PCDHAC2: variants seen among roughly 807,000 people sequenced by gnomAD.
PCDHAC2 encodes the protein protocadherin alpha subfamily C, 2.
In PCDHAC2, 24 loss-of-function variants were observed where a neutral mutation model predicts 63.3. That is an observed-to-expected ratio of 0.38 (90% CI 0.27 to 0.53). The LOEUF (loss-of-function observed/expected upper bound fraction) is 0.53, where lower values mean the gene tolerates loss of function less well. PCDHAC2 is among the 20% of genes least tolerant of loss of function. PCDHAC2 has a pLI of 0.81. For missense variants in PCDHAC2, 1,181 were observed against 1,275.2 expected (o/e 0.93, Z 1.12); for synonymous variants, 569 against 529.4 (o/e 1.07, Z -1.03).
rs150949805 is a variant in PCDHAC2, at chr5:141,009,832, C to T, written c.2919C>T (p.Phe973=). The stretch of plus-strand genomic sequence containing the variant: ...TTGACAAAAGTGACTTCATAACCTT[C>T]GGCAAAAAGGAGGAGACCAAGAAAA... ...SQIDKSDFIT[F]GKKEETKKKK... The change falls in exon 4 of 4, where the codon TTC becomes TTT. Residue 973 remains phenylalanine (F), a synonymous_variant. Coordinates refer to ENST00000289269, the MANE Select transcript of PCDHAC2 (RefSeq NM_018899.6). The T allele has an allele frequency of 7.1e-5, 114 of 1,613,408 alleles. No individual in the cohort carries two copies. The highest frequency in any genetic ancestry group is 9.2e-5 in the Non-Finnish European group (109 of 1,179,918).
rs1554231254 is a variant in PCDHAC2, at chr5:140,968,927, T to C, written c.2161T>C (p.Leu721=). Residue 721 remains leucine (L), a synonymous_variant, in exon 1 of 4, where the codon TTG becomes CTG. Transcript: ENST00000289269. ...ALSTVSFIFL[L]TIIILSIIKC... Reference sequence around the variant, plus strand: ...AAGCACAGTGTCTTTTATATTTCTTTTGACAATCATCATTTTGAGCATCAT... The same window carrying C: ...AAGCACAGTGTCTTTTATATTTCTTCTGACAATCATCATTTTGAGCATCAT... 3 of 1,614,090 alleles carry C rather than the reference T, an allele frequency of 1.9e-6. No homozygotes were observed. Among genetic ancestry groups the C allele is most frequent in the African/African-American group, 1.3e-5 (1 of 74,940 alleles).
Position 141,010,042 on chromosome 5 carries a change from T to C in PCDHAC2, c.*105T>C. 6.3e-7 allele frequency: 1 copy of C among 1,594,374 alleles called. No homozygotes were observed. The highest frequency in any genetic ancestry group is 8.5e-7 in the Non-Finnish European group (1 of 1,171,086). ...TTTTTCCTATCTACATGAGCCCTCT[T>C]AGAGACCTCAGAAATCTGCAGAAAG... On this transcript the variant is annotated 3_prime_UTR_variant, in exon 4 of 4. Transcript: ENST00000289269.
intron 3 of PCDHAC2, among the ~76,000 whole-genome samples, chr5:140,994,367 G>C (rs2097617491): frequency 6.6e-6 from 1 of 152,110 alleles, no homozygotes; most frequent in African/African-American, 2.4e-5. Context: ...AGATGGAATT[G>C]GAAATTCAGG....
intron 1 of PCDHAC2, among the ~76,000 whole-genome samples, chr5:140,976,868 CAAAG>C (rs1397427113): frequency 6.6e-5 from 10 of 152,120 alleles, no homozygotes; most frequent in African/African-American, 1.2e-4. Flanking sequence ...TACTGTCTGA[CAAAG>C]AAAGAATTAG....
At chr5:141,004,192 C>G (rs2098157863) in intron 3 of PCDHAC2, among the ~76,000 whole-genome samples, 1 of 152,192 alleles carries the variant, frequency 6.6e-6, no homozygotes, top group African/African-American at 2.4e-5. Flanking sequence ...TGCTCTTAAC[C>G]AAAAGGAATT....
rs1231856848 is a variant in PCDHAC2 at position 141,000,389 on chromosome 5, CTCTCTCTA to C, written c.2714-9236_2714-9229del. 6.2e-3 allele frequency among the ~76,000 whole-genome samples: 389 copies of C among 62,448 alleles called. 3 individuals are homozygous for C. Among genetic ancestry groups the C allele is most frequent in the East Asian group, 0.011 (21 of 1,838 alleles). The allele number at this position is 62,448 out of a possible 152,430, so 41.0% of individuals were successfully genotyped here. A position where few individuals can be genotyped will look rare whatever the true frequency, so the allele number is the denominator to read the frequency against. ...TCTCTCTCTCTCTCTCTCTCTCTCT[CTCTCTCTA>C]TATATATATATATATATATATATAT... is the stretch of plus-strand genomic sequence containing the variant. On this transcript the variant is annotated intron_variant, in intron 3 of 3. Coordinates refer to ENST00000289269, the MANE Select transcript of PCDHAC2 (RefSeq NM_018899.6).
At chr5:141,000,415 ATATATATTTTTT>A (rs1251582263) in intron 3 of PCDHAC2, among the ~76,000 whole-genome samples, 1 of 87,388 alleles carries the variant, frequency 1.1e-5, no homozygotes, top group East Asian at 3.4e-4. Context: ...ATATATATAT[ATATATATTTTTT>A]TTTTTTTTTT....
chr5:140,971,032 G>A (rs540815935), intron 1 of PCDHAC2, among the ~76,000 whole-genome samples: 4 of 152,302 alleles, frequency 2.6e-5, no homozygotes, highest in African/African-American at 7.2e-5. Context: ...GCATTTGAAA[G>A]CACGTAAAAG....
intron 3 of PCDHAC2, among the ~76,000 whole-genome samples, chr5:140,983,623 GA>G (rs1554245569): frequency 6.6e-6 from 1 of 152,202 alleles, no homozygotes; most frequent in African/African-American, 2.4e-5. Flanking sequence ...GAGAGATTAA[GA>G]AATGTACCCA....
At chr5:140,996,933 T>G (rs2097753695) in intron 3 of PCDHAC2, among the ~76,000 whole-genome samples, 1 of 152,186 alleles carries the variant, frequency 6.6e-6, no homozygotes, top group African/African-American at 2.4e-5. Flanking sequence ...ATATAGCATT[T>G]TTGCATAGAA....
chr5:140,978,911 T>C, intron 1 of PCDHAC2, 38 bp from the exon 2 acceptor site: 1 of 1,613,856 alleles, frequency 6.2e-7, no homozygotes, highest in Non-Finnish European at 8.5e-7. Context: ...AACATTGTCT[T>C]GTCATTTTAA....
Position 140,967,758 on chromosome 5 carries a change from A to G in PCDHAC2, c.992A>G (p.Tyr331Cys), listed in dbSNP as rs781815948. The G allele has an allele frequency of 5.0e-6, 8 of 1,614,162 alleles. No individual in the cohort carries two copies. Among genetic ancestry groups the G allele is most frequent in the Non-Finnish European group, 5.9e-6 (7 of 1,180,034 alleles). The change falls in exon 1 of 4, where the codon TAC (tyrosine) becomes TGC (cysteine). Residue 331 changes from tyrosine to cysteine, a missense_variant. Around this residue, in one of 3 missense-constraint regions of PCDHAC2, gnomAD observed 968 missense variants for 1,073.5 expected, o/e 0.90. Coordinates refer to ENST00000289269, the MANE Select transcript of PCDHAC2 (RefSeq NM_018899.6). ...GGLDYEEASS[Y>C]QIYVQATDRG... ...CTGGATTATGAGGAAGCCTCCTCCT[A>G]CCAGATCTATGTGCAGGCGACTGAC...
chr5:140,967,727 G>A lies in PCDHAC2; in HGVS notation c.961G>A (p.Gly321Arg). ...DASTGEVRVIGGLDYEEASSY... is the reference protein window; with the variant it reads ...DASTGEVRVIRGLDYEEASSY... ...CAGTACCGGGGAAGTGCGAGTAATT[G>A]GGGGGCTGGATTATGAGGAAGCCTC... Residue 321 changes from glycine (G) to arginine (R), a missense_variant, in exon 1 of 4, where the codon GGG becomes AGG. Coordinates refer to ENST00000289269, the MANE Select transcript of PCDHAC2 (RefSeq NM_018899.6). 6.2e-7 allele frequency: 1 copy of A among 1,614,148 alleles called. No individual in the cohort carries two copies.
intron 3 of PCDHAC2, among the ~76,000 whole-genome samples, chr5:140,989,551 C>A (rs964653534): frequency 1.3e-5 from 2 of 152,178 alleles, no homozygotes; most frequent in Non-Finnish European, 2.9e-5. Context: ...AATTCCTTTA[C>A]GTTTTGTGGC....
At chr5:140,975,765 CAG>C (rs1179625862) in intron 1 of PCDHAC2, among the ~76,000 whole-genome samples, 1 of 152,220 alleles carries the variant, frequency 6.6e-6, no homozygotes, top group Non-Finnish European at 1.5e-5. Flanking sequence ...TCATAAATCA[CAG>C]ATAATACCAT....
Position 140,967,843 on chromosome 5 carries a change from T to G in PCDHAC2, c.1077T>G (p.Asn359Lys), listed in dbSNP as rs782701780. 6.2e-7 allele frequency: 1 copy of G among 1,614,102 alleles called. No homozygotes were observed. Among genetic ancestry groups the G allele is most frequent in the East Asian group, 2.2e-5 (1 of 44,870 alleles). The change falls in exon 1 of 4, where the codon AAT (asparagine) becomes AAG (lysine). Residue 359 changes from asparagine to lysine, a missense_variant. By Grantham distance (94) the Asn-to-Lys change is moderately conservative. This residue lies in a region of PCDHAC2 where 968 missense variants were observed against 1,073.5 expected (regional missense o/e 0.90). Transcript: ENST00000289269. ...CKVLVDIVDV[N>K]DNAPEVVLTD... ...TGCTGGTGGACATCGTGGACGTGAA[T>G]GACAATGCCCCAGAGGTGGTGCTCA...
chr5:140,981,959 A>C (rs76200785), intron 2 of PCDHAC2, among the ~76,000 whole-genome samples: 3,104 of 152,312 alleles, frequency 0.02, 114 homozygotes, highest in African/African-American at 0.071. Flanking sequence ...TCATCTATGC[A>C]TAAAAGATAT....
chr5:140,967,272 TAG>T lies in PCDHAC2; in HGVS notation c.511_512del (p.Ser171CysfsTer27). The stretch of plus-strand genomic sequence containing the variant: ...GTGGCGCCTGGAGCGCGCTTTCACA[TAG>T]AGAGTGCGCAGGACCCCGACGTGGG... On this transcript the variant is annotated frameshift_variant, in exon 1 of 4. Coordinates refer to ENST00000289269, the MANE Select transcript of PCDHAC2 (RefSeq NM_018899.6). LOFTEE classifies it high-confidence loss of function. 1 of 1,613,412 alleles carries T rather than the reference TAG, an allele frequency of 6.2e-7. No homozygotes were observed. The highest frequency in any genetic ancestry group is 8.5e-7 in the Non-Finnish European group (1 of 1,179,788).
At chr5:140,970,247 C>T (rs551216649) in intron 1 of PCDHAC2, among the ~76,000 whole-genome samples, 1 of 152,290 alleles carries the variant, frequency 6.6e-6, no homozygotes, top group East Asian at 1.9e-4. Context: ...TTTCTGTTGA[C>T]AGTTTCTATG....
Sources: gnomAD v4.1 joint callset for allele counts (sites outside exome capture counted in the v4.1 genomes callset) on GRCh38, gnomAD v4.1.1 for gene constraint, gnomAD v4.1.1 regional missense constraint, MANE v1.5 for transcripts, NCBI Gene and HGNC (gene_info 2026-07-23, HGNC 2026-07-21) for gene names.